PLD5: variants seen among roughly 807,000 people sequenced by gnomAD.
PLD5 encodes the protein inactive phospholipase D5.
In PLD5, 36 loss-of-function variants were observed where a neutral mutation model predicts 61.1. The observed-to-expected ratio is 0.59, with a 90% CI of 0.45 to 0.78. The LOEUF (loss-of-function observed/expected upper bound fraction) is 0.78. PLD5 is among the 30% of genes least tolerant of loss of function. PLD5 has a pLI of 0.00. For missense variants in PLD5, 515 were observed against 644.4 expected (o/e 0.80, Z 2.17); for synonymous variants, 243 against 242.8 (o/e 1.00, Z -0.01).
intron 1 of PLD5, among the ~76,000 whole-genome samples, chr1:242,424,066 C>T (rs774456376): frequency 2.6e-5 from 4 of 152,152 alleles, no homozygotes; most frequent in Non-Finnish European, 4.4e-5. Flanking sequence ...GCTGAGCACC[C>T]GTGGCTGGAC....
chr1:242,293,537 G>GA (rs1651471604), intron 2 of PLD5, among the ~76,000 whole-genome samples: 1 of 152,050 alleles, frequency 6.6e-6, no homozygotes, highest in African/African-American at 2.4e-5. Flanking sequence ...ATATGAATAG[G>GA]AAAAAATATA....
intron 3 of PLD5, among the ~76,000 whole-genome samples, chr1:242,269,009 A>C (rs1433347779): frequency 6.6e-6 from 1 of 151,854 alleles, no homozygotes; most frequent in Non-Finnish European, 1.5e-5. Flanking sequence ...TGATCGACTA[A>C]TTTTTGTATT....
intron 1 of PLD5, among the ~76,000 whole-genome samples, chr1:242,441,617 G>A (rs184509894): frequency 6.6e-6 from 1 of 152,092 alleles, no homozygotes; most frequent in Admixed American, 6.5e-5. Flanking sequence ...ACTTTAGAGT[G>A]CATAAGGATA....
chr1:242,486,889 G>C (rs543444762), intron 1 of PLD5, among the ~76,000 whole-genome samples: 1 of 150,662 alleles, frequency 6.6e-6, no homozygotes, highest in Admixed American at 6.6e-5. Context: ...CCATAAAAAA[G>C]GATGAGTTCA....
intron 1 of PLD5, among the ~76,000 whole-genome samples, chr1:242,355,894 TCTTA>T (rs1487551390): frequency 6.6e-6 from 1 of 152,036 alleles, no homozygotes; most frequent in Admixed American, 6.6e-5. Flanking sequence ...TTTCTGAAAG[TCTTA>T]CTGTTACAGA....
chr1:242,462,563 A>G (rs1349771790), intron 1 of PLD5, among the ~76,000 whole-genome samples: 2 of 151,960 alleles, frequency 1.3e-5, no homozygotes, highest in African/African-American at 4.8e-5. Context: ...CATCCCATGT[A>G]AAAAATCTGC....
chr1:242,387,364 T>C (rs1403878075), intron 1 of PLD5, among the ~76,000 whole-genome samples: 1 of 152,142 alleles, frequency 6.6e-6, no homozygotes, highest in Non-Finnish European at 1.5e-5. Context: ...AAGGCTAAAG[T>C]GATTCTGACA....
At chr1:242,353,666 T>G (rs1158773182) in intron 1 of PLD5, among the ~76,000 whole-genome samples, 1 of 152,126 alleles carries the variant, frequency 6.6e-6, no homozygotes, top group Non-Finnish European at 1.5e-5. Flanking sequence ...CTTAATCAGA[T>G]TGTTTTCTTT....
chr1:242,421,176 C>CA (rs5782234), intron 1 of PLD5, among the ~76,000 whole-genome samples: 923 of 64,232 alleles, frequency 0.014, 8 homozygotes, highest in East Asian at 0.027. Flanking sequence ...GACTCCACCT[C>CA]AAAAAAAAAA....
chr1:242,124,690 C>A (rs1300284104), intron 5 of PLD5, 25 bp from the exon 6 acceptor site: 9 of 1,579,708 alleles, frequency 5.7e-6, no homozygotes, highest in Non-Finnish European at 6.9e-6. Context: ...TTGAAAGCAT[C>A]AATGCCATGT....
intron 5 of PLD5, among the ~76,000 whole-genome samples, chr1:242,126,971 C>T (rs974992297): frequency 6.7e-6 from 1 of 150,202 alleles, no homozygotes; most frequent in Non-Finnish European, 1.5e-5. Flanking sequence ...AAAAAAACAA[C>T]CCCATAAAAA....
At chr1:242,486,707 C>T (rs948548925) in intron 1 of PLD5, among the ~76,000 whole-genome samples, 7 of 152,136 alleles carry the variant, frequency 4.6e-5, no homozygotes, top group Admixed American at 3.3e-4. Flanking sequence ...CATCCCATTA[C>T]TGGGTATATA....
intron 5 of PLD5, among the ~76,000 whole-genome samples, chr1:242,131,341 G>A (rs1312869048): frequency 6.6e-6 from 1 of 152,118 alleles, no homozygotes; most frequent in Admixed American, 6.5e-5. Context: ...AGTTATGTCA[G>A]TGGTTCCGTT....
At chr1:242,452,817 C>T (rs559079204) in intron 1 of PLD5, among the ~76,000 whole-genome samples, 2 of 152,024 alleles carry the variant, frequency 1.3e-5, no homozygotes, top group Admixed American at 6.5e-5. Context: ...CCCTGCCCCC[C>T]ACCCCTGATG....
intron 5 of PLD5, among the ~76,000 whole-genome samples, chr1:242,159,740 G>T (rs1039273842): frequency 6.6e-6 from 1 of 152,102 alleles, no homozygotes; most frequent in East Asian, 1.9e-4. Flanking sequence ...TTCTCTAGTA[G>T]TTTACCGTGA....
At chr1:242,526,296 G>A (rs1669444458), upstream of PLD5, among the ~76,000 whole-genome samples, 1 of 152,152 alleles carries the variant, frequency 6.6e-6, no homozygotes, top group African/African-American at 2.4e-5. Flanking sequence ...TGAGGCGGGA[G>A]GATCGCTGAA....
At chr1:242,368,666 T>C (rs1207453590) in intron 1 of PLD5, among the ~76,000 whole-genome samples, 1 of 152,140 alleles carries the variant, frequency 6.6e-6, no homozygotes, top group East Asian at 1.9e-4. Flanking sequence ...CCTGAGCTTC[T>C]CCATGTTGCC....
At chr1:242,444,716 A>AT (rs376025961) in intron 1 of PLD5, among the ~76,000 whole-genome samples, 73 of 4,260 alleles carry the variant, frequency 0.017, no homozygotes, top group African/African-American at 0.031. Flanking sequence ...ATTATATAAT[A>AT]AAATAATATA....
intron 2 of PLD5, among the ~76,000 whole-genome samples, chr1:242,342,810 C>T (rs181343224): frequency 2.6e-4 from 39 of 151,528 alleles, no homozygotes; most frequent in African/African-American, 8.2e-4. Flanking sequence ...ACAACTGAGG[C>T]TCATTAAAAG....
Sources: gnomAD v4.1 joint callset for allele counts (sites outside exome capture counted in the v4.1 genomes callset) on GRCh38, gnomAD v4.1.1 for gene constraint, MANE v1.5 for transcripts, NCBI Gene and HGNC (gene_info 2026-07-23, HGNC 2026-07-21) for gene names.